The following TEX11 variants were observed in gnomAD, a reference collection of about 807,000 sequenced individuals.
TEX11 encodes the protein testis-expressed protein 11.
In TEX11, 7 loss-of-function variants were observed where a neutral mutation model predicts 84.4. That is an observed-to-expected ratio of 0.08 (90% CI 0.05 to 0.16). The LOEUF (loss-of-function observed/expected upper bound fraction) is 0.16, where lower values mean the gene tolerates loss of function less well. Ranked by LOEUF, TEX11 falls within the 10% of genes least tolerant of loss-of-function variation. The probability of loss-of-function intolerance (pLI) is 1.00; values close to 1 mark genes in which losing one functional copy is unlikely to be tolerated. For synonymous variants in TEX11, 264 were observed against 222.8 expected (o/e 1.18, Z -1.64); for missense variants, 551 against 660.5 (o/e 0.83, Z 1.82).
chrX:70,742,716 C>T (rs1387405387), intron 10 of TEX11, among the ~76,000 whole-genome samples: 2 of 109,956 alleles, frequency 1.8e-5, no homozygotes, highest in African/African-American at 6.6e-5. Context: ...TGACAAGACC[C>T]TGTCTCAAAA....
intron 17 of TEX11, among the ~76,000 whole-genome samples, chrX:70,646,340 G>C (rs1211655327): frequency 8.9e-6 from 1 of 111,920 alleles, no homozygotes; most frequent in Non-Finnish European, 1.9e-5. Context: ...TAGAGGAAAA[G>C]TTCCACGACA....
At chrX:70,837,802 T>C (rs1381431524) in intron 7 of TEX11, among the ~76,000 whole-genome samples, 1 of 111,839 alleles carries the variant, frequency 8.9e-6, no homozygotes, top group Non-Finnish European at 1.9e-5. Context: ...ATGTAAAGAA[T>C]CTGTGTGGTA....
intron 9 of TEX11, among the ~76,000 whole-genome samples, chrX:70,748,990 G>A: frequency 9.5e-6 from 1 of 105,421 alleles, no homozygotes; most frequent in Middle Eastern, 4.8e-3. Flanking sequence ...GGATGGCATT[G>A]AATCTGTAAA....
chrX:70,679,528 A>T (rs1165782530), intron 14 of TEX11, among the ~76,000 whole-genome samples: 9 of 102,949 alleles, frequency 8.7e-5, no homozygotes, highest in Admixed American at 2.1e-4. Context: ...CCATCTGGGA[A>T]GTGAGGAGCG....
intron 9 of TEX11, among the ~76,000 whole-genome samples, chrX:70,753,024 GA>G (rs1270079168): frequency 9.1e-6 from 1 of 110,467 alleles, no homozygotes; most frequent in African/African-American, 3.3e-5. Flanking sequence ...GCCCGAGTCA[GA>G]ATGGAATTGC....
At chrX:70,710,674 C>T (rs906195077) in intron 13 of TEX11, among the ~76,000 whole-genome samples, 1 of 110,096 alleles carries the variant, frequency 9.1e-6, no homozygotes, top group Admixed American at 9.7e-5. Context: ...CCAGACCCAC[C>T]AAATCAGAAT....
chrX:70,653,199 A>G (rs2089828765), intron 16 of TEX11, among the ~76,000 whole-genome samples: 1 of 112,166 alleles, frequency 8.9e-6, no homozygotes, highest in Non-Finnish European at 1.9e-5. Flanking sequence ...GTTAAACTTC[A>G]TTAAAATTAA....
intron 13 of TEX11, among the ~76,000 whole-genome samples, chrX:70,683,231 G>A (rs1328009692): frequency 2.7e-5 from 3 of 111,998 alleles, no homozygotes; most frequent in African/African-American, 9.7e-5. Flanking sequence ...TAATACACTA[G>A]TATCTTCTAT....
intron 7 of TEX11, among the ~76,000 whole-genome samples, chrX:70,849,421 A>C (rs1243279380): frequency 8.9e-6 from 1 of 111,980 alleles, no homozygotes; most frequent in East Asian, 2.8e-4. Flanking sequence ...TGAGGATAGG[A>C]TATGTGATTA....
chrX:70,524,123 C>A (rs1441474539), downstream of TEX11, among the ~76,000 whole-genome samples: 3 of 111,767 alleles, frequency 2.7e-5, no homozygotes, highest in Non-Finnish European at 3.8e-5. Flanking sequence ...ATTGAGCAGG[C>A]AAATGATCAT....
At chrX:70,674,976 T>C (rs2090057857) in intron 15 of TEX11, among the ~76,000 whole-genome samples, 1 of 111,586 alleles carries the variant, frequency 9.0e-6, no homozygotes, top group African/African-American at 3.3e-5. Flanking sequence ...GCTATTTTAA[T>C]GGTTGTTTTA....
At chrX:70,535,574 G>A (rs1187437296) in intron 28 of TEX11, among the ~76,000 whole-genome samples, 2 of 110,502 alleles carry the variant, frequency 1.8e-5, no homozygotes, top group African/African-American at 6.6e-5. Flanking sequence ...TGGTGAAACC[G>A]CATCTCTACC....
At chrX:70,606,574 T>C (rs771444901) in intron 23 of TEX11, among the ~76,000 whole-genome samples, 5 of 112,317 alleles carry the variant, frequency 4.5e-5, no homozygotes, top group Admixed American at 1.9e-4. Context: ...TTCTATGTTC[T>C]TGTAGACTTA....
At chrX:70,597,211 T>TA (rs746700916) in intron 24 of TEX11, among the ~76,000 whole-genome samples, 1 of 112,082 alleles carries the variant, frequency 8.9e-6, no homozygotes, top group Non-Finnish European at 1.9e-5. Context: ...ATATTCTCCC[T>TA]AAACTGATTT....
chrX:70,782,722 A>ACC, intron 9 of TEX11, among the ~76,000 whole-genome samples: 1 of 109,618 alleles, frequency 9.1e-6, no homozygotes, highest in Non-Finnish European at 1.9e-5. Flanking sequence ...TAAAGATCAA[A>ACC]AAAGACAAAG....
chrX:70,575,015 G>T lies in TEX11; in HGVS notation c.2140+16736C>A, dbSNP rs184267857. On this transcript the variant is annotated intron_variant, in intron 25 of 29. Coordinates refer to ENST00000374333, the MANE Select transcript of TEX11 (RefSeq NM_031276.3). The stretch of plus-strand genomic sequence containing the variant: ...AGTGGCAGGAGAGGTGGCGAGGAAG[G>T]TATCTAAGGACCGGATTATCTATGG... Among the ~76,000 whole-genome samples the T allele has an allele frequency of 5.2e-3, 583 of 111,447 alleles. 3 individuals are homozygous for T. The highest frequency in any genetic ancestry group is 0.018 in the African/African-American group (546 of 30,704).
At chrX:70,611,669 C>T (rs1379151603) in intron 20 of TEX11, among the ~76,000 whole-genome samples, 1 of 111,449 alleles carries the variant, frequency 9.0e-6, no homozygotes, top group African/African-American at 3.3e-5. Flanking sequence ...TAACCACAGC[C>T]TGACCTTCTG....
chrX:70,589,788 C>T (rs1305961796), intron 25 of TEX11, among the ~76,000 whole-genome samples: 1 of 112,057 alleles, frequency 8.9e-6, no homozygotes, highest in East Asian at 2.8e-4. Flanking sequence ...TCCCAAAGTA[C>T]TGGGATTACA....
At chrX:70,750,933 A>AAAATATAT (rs1390175136) in intron 9 of TEX11, among the ~76,000 whole-genome samples, 30 of 28,180 alleles carry the variant, frequency 1.1e-3, no homozygotes, top group South Asian at 5.1e-3. Context: ...AAAAAAAAAA[A>AAAATATAT]ATATATATAT....
Sources: gnomAD v4.1 joint callset for allele counts (sites outside exome capture counted in the v4.1 genomes callset) on GRCh38, gnomAD v4.1.1 for gene constraint, MANE v1.5 for transcripts, NCBI Gene and HGNC (gene_info 2026-07-23, HGNC 2026-07-21) for gene names.